The following TTN variants were observed in gnomAD, a reference collection of about 807,000 sequenced individuals.
The protein encoded by TTN is titin, also known as connectin.
TTN carries 1,525 observed loss-of-function variants against 3,223.0 expected under a neutral mutation model. That is an observed-to-expected ratio of 0.47 (90% CI 0.45 to 0.49). The LOEUF (loss-of-function observed/expected upper bound fraction) is 0.49, where lower values mean the gene tolerates loss of function less well. Ranked by LOEUF, TTN falls within the 20% of genes least tolerant of loss-of-function variation. The pLI is 0.00. For missense variants in TTN, 40,786 were observed against 43,424.0 expected (o/e 0.94, Z 5.40); for synonymous variants, 14,094 against 15,161.0 (o/e 0.93, Z 5.17).
In TTN at chr2:178,738,212, A is replaced by G; in HGVS notation, c.14241T>C (p.Ser4747=). ...TGGAGATATACTTTGAAGATCGAAT[A>G]GAACACTTGTCACTCTCATAAATTT... is the stretch of plus-strand genomic sequence containing the variant. The part of the protein sequence containing the change: ...GREIYESDKC[S]IRSSKYISSL... Residue 4747 remains serine, a synonymous_variant, in exon 49 of 363, where the codon TCT becomes TCC. Coordinates refer to ENST00000589042, the MANE Select transcript of TTN (RefSeq NM_001267550.2). The G allele has an allele frequency of 6.2e-7, 1 of 1,613,740 alleles. No homozygotes were observed. Among genetic ancestry groups the G allele is most frequent in the African/African-American group, 1.3e-5 (1 of 75,052 alleles).
chr2:178,587,776 G>C lies in TTN; in HGVS notation c.63533C>G (p.Ala21178Gly). ...CACTATGACCAGTTTCCTCATGCTG[G>C]CATCCAAATCAATCTCCGGAGGTTC... ...ILEPPEIDLD[A>G]SMRKLVIVRA... is the part of the protein sequence containing the mutation. Residue 21178 changes from alanine to glycine, a missense_variant, in exon 306 of 363, where the codon GCC becomes GGC. Coordinates refer to ENST00000589042, the MANE Select transcript of TTN (RefSeq NM_001267550.2). 1.9e-6 allele frequency: 3 copies of C among 1,604,316 alleles called. No homozygotes were observed. Among genetic ancestry groups the C allele is most frequent in the Non-Finnish European group, 1.7e-6 (2 of 1,174,264 alleles).
rs1184631064 is a variant in TTN at position 178,619,806 on chromosome 2, T to C, written c.46511A>G (p.Asn15504Ser). The C allele has an allele frequency of 6.8e-6, 11 of 1,612,182 alleles. No individual in the cohort carries two copies. The highest frequency in any genetic ancestry group is 6.7e-5 in the Admixed American group (4 of 59,864). The change falls in exon 250 of 363, where the codon AAT becomes AGT. Residue 15504 changes from asparagine (N) to serine (S), a missense_variant. Coordinates refer to ENST00000589042, the MANE Select transcript of TTN (RefSeq NM_001267550.2). ...CCATTGGACTTCCACCTTATCTTTATTGAGTTCTGCTAAAAAGACAACATC... is the reference window on the plus strand; with the variant it reads ...CCATTGGACTTCCACCTTATCTTTACTGAGTTCTGCTAAAAAGACAACATC... The part of the protein sequence containing the change: ...GADVVFLAEL[N>S]KDKVEVQWLR...
rs1575194805 is a variant in TTN at position 178,528,898 on chromosome 2, A to G, written c.106853T>C (p.Ile35618Thr). The change falls in exon 360 of 363, where the codon ATA becomes ACA. Residue 35618 changes from isoleucine to threonine, a missense_variant. By Grantham distance (89) the Ile-to-Thr change is moderately conservative (BLOSUM62 -1). Transcript: ENST00000589042. ...EIKAFSTQMS[I>T]NEGQRLVLKA... Reference sequence around the variant, plus strand: ...TAAAACCAGTCTTTGACCTTCGTTTATGCTCATCTGAGTAGAAAATGCTTT... The same window carrying G: ...TAAAACCAGTCTTTGACCTTCGTTTGTGCTCATCTGAGTAGAAAATGCTTT... 2.5e-6 allele frequency: 4 copies of G among 1,613,932 alleles called. No individual in the cohort carries two copies. The highest frequency in any genetic ancestry group is 3.4e-6 in the Non-Finnish European group (4 of 1,179,890).
chr2:178,546,156 C>A (rs2154145652), intron 342 of TTN, 40 bp from the exon 343 acceptor site: 2 of 1,587,192 alleles, frequency 1.3e-6, no homozygotes, highest in South Asian at 2.3e-5. Context: ...GAAGATCATT[C>A]TTTCTGCCCA....
chr2:178,554,527 C>T lies in TTN; in HGVS notation c.88820G>A (p.Arg29607Gln), dbSNP rs755212831. Reference protein sequence around the residue: ...KIIKGNEYIFRVRAVNKYGIG... With the variant: ...KIIKGNEYIFQVRAVNKYGIG... ...TCCATATTTGTTCACGGCTCGGACC[C>T]GGAAGATGTATTCATTTCCTTTGAT... Residue 29607 changes from arginine to glutamine, a missense_variant, in exon 332 of 363, where the codon CGG (arginine) becomes CAG (glutamine). By Grantham distance (43) the Arg-to-Gln change is conservative. Transcript: ENST00000589042. 53 of 1,613,520 alleles carry T rather than the reference C, an allele frequency of 3.3e-5. No individual in the cohort carries two copies. The South Asian group carries it at 4.4e-4, about 13-fold the overall frequency.
At chr2:178,783,414 A>C (rs1281878094) in intron 17 of TTN, among the ~76,000 whole-genome samples, 1 of 152,148 alleles carries the variant, frequency 6.6e-6, no homozygotes, top group Admixed American at 6.5e-5. Flanking sequence ...GATGGCAAAG[A>C]AAATATTTCA....
Position 178,584,775 on chromosome 2 carries a change from T to A in TTN, c.64866A>T (p.Gly21622=). Residue 21622 remains glycine, a synonymous_variant, in exon 310 of 363, where the codon GGA becomes GGT. Coordinates refer to ENST00000589042, the MANE Select transcript of TTN (RefSeq NM_001267550.2). ...TGTACTCCTGGCCTGGGATCAGCTT[T>A]CCAACCCTGCAGGAAGTTTTTGTGA... is the stretch of plus-strand genomic sequence containing the variant. ...ASVTKTSCRV[G]KLIPGQEYIF... is the part of the protein sequence containing the mutation. The A allele has an allele frequency of 6.2e-7, 1 of 1,613,468 alleles. No individual in the cohort carries two copies. Among genetic ancestry groups the A allele is most frequent in the Non-Finnish European group, 8.5e-7 (1 of 1,179,554 alleles).
chr2:178,649,208 T>C, intron 213 of TTN, 40 bp downstream of exon 213: 2 of 1,383,360 alleles, frequency 1.4e-6, no homozygotes, highest in Non-Finnish European at 1.9e-6. Context: ...CATGCTTAAA[T>C]AGCAGTTAGA....
At chr2:178,713,845 C>A in intron 92 of TTN, 52 bp downstream of exon 92, 1 of 1,581,922 alleles carries the variant, frequency 6.3e-7, no homozygotes, top group South Asian at 1.2e-5. Flanking sequence ...TTATGAAAAT[C>A]AGGAACTACA....
rs192408585 is a variant in TTN, at chr2:178,666,816, A to C, written c.35875+8T>G. On this transcript the variant is annotated splice_region_variant and intron_variant, in intron 163 of 362. Coordinates refer to ENST00000589042, the MANE Select transcript of TTN (RefSeq NM_001267550.2). ...AGATTAAAAAGGTGACTTTCTTCCAACTTGTACCTGTTGGTGATGGTGTTT... is the reference window on the plus strand; with the variant it reads ...AGATTAAAAAGGTGACTTTCTTCCACCTTGTACCTGTTGGTGATGGTGTTT... 485 of 1,554,782 alleles carry C rather than the reference A, an allele frequency of 3.1e-4. 2 individuals carry two copies. Among genetic ancestry groups the C allele is most frequent in the Middle Eastern group, 1.5e-3 (9 of 5,980 alleles).
chr2:178,741,624 A>G lies in TTN; in HGVS notation c.11609T>C (p.Phe3870Ser). 6.2e-7 allele frequency: 1 copy of G among 1,613,870 alleles called. No homozygotes were observed. The highest frequency in any genetic ancestry group is 8.5e-7 in the Non-Finnish European group (1 of 1,179,804). ...LTPSADYKFVFDGDDHSLIIL... is the reference protein window; with the variant it reads ...LTPSADYKFVSDGDDHSLIIL... The stretch of plus-strand genomic sequence containing the variant: ...GATCAGGCTATGATCATCACCGTCA[A>G]AAACAAATTTGTAGTCAGCAGAAGG... The change falls in exon 48 of 363, where the codon TTT (phenylalanine) becomes TCT (serine). Residue 3870 changes from phenylalanine (F) to serine (S), a missense_variant. Phe to Ser is a radical substitution (Grantham distance 155, BLOSUM62 -2). Coordinates refer to ENST00000589042, the MANE Select transcript of TTN (RefSeq NM_001267550.2).
In TTN at chr2:178,597,935, C is replaced by T. The variant is rs1160274836; in HGVS notation, c.57235G>A (p.Asp19079Asn). 1 of 1,613,342 alleles carries T rather than the reference C, an allele frequency of 6.2e-7. No homozygotes were observed. Among genetic ancestry groups the T allele is most frequent in the Admixed American group, 1.7e-5 (1 of 59,968 alleles). ...AGTCTGTCCTTCATTTCAATGACAT[C>T]TGTGACCTCTCCAGGTTCTCCAATG... ...AGIGEPGEVT[D>N]VIEMKDRLVS... The change falls in exon 293 of 363, where the codon GAT becomes AAT. Residue 19079 changes from aspartate to asparagine, a missense_variant. Coordinates refer to ENST00000589042, the MANE Select transcript of TTN (RefSeq NM_001267550.2).
At chr2:178,685,634 A>G (rs1176637763) in intron 127 of TTN, 36 bp from the exon 128 acceptor site, 2 of 1,589,908 alleles carry the variant, frequency 1.3e-6, no homozygotes, top group Non-Finnish European at 1.7e-6. Context: ...GATAAATTAC[A>G]GTGTTTTTCA....
chr2:178,611,885 G>A lies in TTN; in HGVS notation c.50424C>T (p.Asp16808=). The change falls in exon 268 of 363, where the codon GAC becomes GAT. Residue 16808 remains aspartate, a synonymous_variant. Transcript: ENST00000589042. ...WVKAGKTAGP[D]CNFRVTDVIE... ...TGACATCAGTTACTCTGAAGTTACA[G>A]TCAGGTCCTGCAGTCTTTCCAGCTT... 1.2e-6 allele frequency: 2 copies of A among 1,612,896 alleles called. No individual in the cohort carries two copies. The highest frequency in any genetic ancestry group is 8.5e-7 in the Non-Finnish European group (1 of 1,179,286).
rs778593283 is a variant in TTN at position 178,720,898 on chromosome 2, CAAAG to C, written c.23098+19_23098+22del. The C allele has an allele frequency of 1.3e-5, 20 of 1,546,240 alleles. No individual in the cohort carries two copies. The highest frequency in any genetic ancestry group is 1.7e-5 in the Non-Finnish European group (20 of 1,145,730). On this transcript the variant is annotated intron_variant, in intron 79 of 362. Transcript: ENST00000589042. ...CCCAAATCAGAGGAGAATAAAGAAA[CAAAG>C]AAGCTTAGTGTGTCTAACCTTTCAC...
At chr2:178,773,007 C>A (rs1240137083) in intron 33 of TTN, 102 bp downstream of exon 33, 2 of 1,465,388 alleles carry the variant, frequency 1.4e-6, no homozygotes, top group Non-Finnish European at 9.4e-7. Context: ...TAAGCAGAGG[C>A]ATGGAAGTGG....
Position 178,636,935 on chromosome 2 carries a change from G to C in TTN, c.40928-136C>G. On this transcript the variant is annotated intron_variant, in intron 224 of 362. Transcript: ENST00000589042. The surrounding 1 kb of genome is among the most constrained non-coding windows in gnomAD (Gnocchi z 4.3). Reference sequence around the variant, plus strand: ...AAACTAAAGACCAGGCAATTGAAAGGCCAATTGAGTTTATACTGCCTTGTT... The same window carrying C: ...AAACTAAAGACCAGGCAATTGAAAGCCCAATTGAGTTTATACTGCCTTGTT... 1.0e-6 allele frequency: 1 copy of C among 971,232 alleles called. No individual in the cohort carries two copies. The highest frequency in any genetic ancestry group is 1.5e-6 in the Non-Finnish European group (1 of 687,932). The allele number at this position is 971,232 out of a possible 1,614,324, so 60.2% of individuals were successfully genotyped here.
rs1446665340 is a variant in TTN at position 178,790,098 on chromosome 2, C to G, written c.1818G>C (p.Arg606Ser). 6.2e-7 allele frequency: 1 copy of G among 1,612,570 alleles called. No individual in the cohort carries two copies. Among genetic ancestry groups the G allele is most frequent in the Non-Finnish European group, 8.5e-7 (1 of 1,179,270 alleles). The change falls in exon 12 of 363, where the codon AGG becomes AGC. Residue 606 changes from arginine (R) to serine (S), a missense_variant. Physicochemically the swap from Arg to Ser is moderately radical, Grantham distance 110. Coordinates refer to ENST00000589042, the MANE Select transcript of TTN (RefSeq NM_001267550.2). ...LSYEKIMKET[R>S]KTVVPKVIVA... ...CTATGACTTTAGGTACAACTGTTTTCCTAGTTTCCTTCATTATCTGATCAT... is the reference window on the plus strand; with the variant it reads ...CTATGACTTTAGGTACAACTGTTTTGCTAGTTTCCTTCATTATCTGATCAT...
At chr2:178,624,846 T>A in intron 241 of TTN, 115 bp from the exon 242 acceptor site, 1 of 1,239,264 alleles carries the variant, frequency 8.1e-7, no homozygotes, top group Non-Finnish European at 1.1e-6. Flanking sequence ...AGTTTTATTT[T>A]CAAGTTTTGA....
Sources: gnomAD v4.1 joint callset for allele counts (sites outside exome capture counted in the v4.1 genomes callset) on GRCh38, gnomAD v4.1.1 for gene constraint, Gnocchi (gnomAD v3.1) non-coding constraint, MANE v1.5 for transcripts, NCBI Gene and HGNC (gene_info 2026-07-23, HGNC 2026-07-21) for gene names.